The following GLE1 variants were observed in gnomAD, a reference collection of about 807,000 sequenced individuals.
GLE1 encodes GLE1 RNA export mediator, also known as mRNA export factor GLE1.
GLE1 carries 78 observed loss-of-function variants against 97.3 expected under a neutral mutation model. That is an observed-to-expected ratio of 0.80 (90% CI 0.67 to 0.97). The LOEUF is 0.97. Among genes scored for constraint, GLE1 ranks in the 50% least tolerant of loss-of-function variants. The probability of loss-of-function intolerance (pLI) is 0.00; values close to 1 mark genes in which losing one functional copy is unlikely to be tolerated. For missense variants in GLE1, 753 were observed against 857.5 expected (o/e 0.88, Z 1.52); for synonymous variants, 302 against 313.4 (o/e 0.96, Z 0.39).
chr9:128,515,160 A>G (rs1846944855), intron 2 of GLE1, among the ~76,000 whole-genome samples: 1 of 152,166 alleles, frequency 6.6e-6, no homozygotes, highest in Non-Finnish European at 1.5e-5. Context: ...TCCTGAAGCC[A>G]GGAGGATGGA....
chr9:128,505,631 T>A (rs1846619205), intron 1 of GLE1, among the ~76,000 whole-genome samples: 1 of 152,192 alleles, frequency 6.6e-6, no homozygotes, highest in African/African-American at 2.4e-5. Flanking sequence ...ACCACAGAAA[T>A]GATGCCATGG....
chr9:128,505,002 A>T (rs1430436436), intron 1 of GLE1, 98 bp downstream of exon 1: 23 of 782,984 alleles, frequency 2.9e-5, no homozygotes, highest in Non-Finnish European at 4.5e-6. Context: ...GAACCCGTGC[A>T]GTCTAACAAC....
intron 9 of GLE1, among the ~76,000 whole-genome samples, chr9:128,531,457 C>T (rs1847504052): frequency 6.7e-6 from 1 of 149,312 alleles, no homozygotes; most frequent in Non-Finnish European, 1.5e-5. Context: ...AACCCAGGAG[C>T]GGAGGTTGCA....
At chr9:128,526,113 C>T (rs892411607) in intron 7 of GLE1, among the ~76,000 whole-genome samples, 8 of 151,206 alleles carry the variant, frequency 5.3e-5, no homozygotes, top group Admixed American at 1.3e-4. Context: ...CCTCTGCCTC[C>T]CGGGTTCAAA....
At chr9:128,513,002 C>T in intron 2 of GLE1, among the ~76,000 whole-genome samples, 1 of 152,078 alleles carries the variant, frequency 6.6e-6, no homozygotes, top group East Asian at 1.9e-4. Flanking sequence ...CTGCGCCTGG[C>T]CTAATAAATT....
intron 5 of GLE1, 110 bp from the exon 6 acceptor site, chr9:128,523,482 C>T: frequency 6.9e-7 from 1 of 1,457,990 alleles, no homozygotes; most frequent in South Asian, 1.1e-5. Flanking sequence ...TGTCCTCTTC[C>T]TGCTCTGAGC....
rs751885936 is a variant in GLE1 at position 128,536,381 on chromosome 9, C to A, written c.1673C>A (p.Ser558Tyr). The A allele has an allele frequency of 3.1e-6, 5 of 1,613,776 alleles. No individual in the cohort carries two copies. The highest frequency in any genetic ancestry group is 3.4e-6 in the Non-Finnish European group (4 of 1,179,822). ...QRMLGYQVKDSKVEQQDNFLK... is the reference protein window; with the variant it reads ...QRMLGYQVKDYKVEQQDNFLK... ...ATGCTTGGTTACCAAGTAAAGGATTCCAAAGTGGAGCAGCAAGACAACTTT... is the reference window on the plus strand; with the variant it reads ...ATGCTTGGTTACCAAGTAAAGGATTACAAAGTGGAGCAGCAAGACAACTTT... The change falls in exon 12 of 16, where the codon TCC (serine) becomes TAC (tyrosine). Residue 558 changes from serine to tyrosine, a missense_variant. Transcript: ENST00000309971.
At position 128,522,783 on chromosome 9, in the gene GLE1, A is replaced by C. The variant is rs1445934944; in HGVS notation, c.548A>C (p.Glu183Ala). 6.2e-7 allele frequency: 1 copy of C among 1,614,082 alleles called. No homozygotes were observed. Among genetic ancestry groups the C allele is most frequent in the Non-Finnish European group, 8.5e-7 (1 of 1,179,984 alleles). ...TGGAAGGAACTGAAGCAGCATAAAG[A>C]ATTCCAGGACTTGCGGGAAGTAATG... ...DEWKELKQHK[E>A]FQDLREVMEK... Residue 183 changes from glutamate to alanine, a missense_variant, in exon 4 of 16, where the codon GAA becomes GCA. Physicochemically the swap from Glu to Ala is moderately radical, Grantham distance 107. Coordinates refer to ENST00000309971, the MANE Select transcript of GLE1 (RefSeq NM_001003722.2).
chr9:128,520,316 A>T (rs1414642826), intron 3 of GLE1, among the ~76,000 whole-genome samples: 1 of 148,952 alleles, frequency 6.7e-6, no homozygotes, highest in Non-Finnish European at 1.5e-5. Context: ...ATATGTGTAT[A>T]TATGTATATG....
In GLE1 at chr9:128,525,410, G is replaced by T. The variant is rs761691309; in HGVS notation, c.1116G>T (p.Gly372=). Residue 372 remains glycine, a synonymous_variant, in exon 7 of 16, where the codon GGG becomes GGT. Coordinates refer to ENST00000309971, the MANE Select transcript of GLE1 (RefSeq NM_001003722.2). ...CAGCTCCCAGCCAGGGCCCAGGAGG[G>T]AAACAGAATGAAGGTGGGTTTCAGT... is the stretch of plus-strand genomic sequence containing the variant. ...EPPAPSQGPG[G]KQNEDLQVKV... 1.3e-6 allele frequency: 2 copies of T among 1,596,480 alleles called. No individual in the cohort carries two copies. Among genetic ancestry groups the T allele is most frequent in the Non-Finnish European group, 1.7e-6 (2 of 1,169,544 alleles).
chr9:128,504,876 A>T lies in GLE1; in HGVS notation c.71A>T (p.Tyr24Phe). Residue 24 changes from tyrosine to phenylalanine, a missense_variant, in exon 1 of 16, where the codon TAC (tyrosine) becomes TTC (phenylalanine). Tyr to Phe is a conservative substitution (Grantham distance 22, BLOSUM62 3). Coordinates refer to ENST00000309971, the MANE Select transcript of GLE1 (RefSeq NM_001003722.2). ...AGTTCCGACAAAGGTCGCCTTTGCT[A>T]CTACCGCGACTGGCTGCTGCGGCGC... Reference protein sequence around the residue: ...LRSSDKGRLCYYRDWLLRRED... With the variant: ...LRSSDKGRLCFYRDWLLRRED... The T allele has an allele frequency of 6.2e-7, 1 of 1,611,048 alleles. No individual in the cohort carries two copies. The highest frequency in any genetic ancestry group is 2.2e-5 in the East Asian group (1 of 44,872).
In GLE1 at chr9:128,539,616, G is replaced by A. The variant is rs1847828383; in HGVS notation, c.1882G>A (p.Val628Met). Residue 628 changes from valine to methionine, a missense_variant and splice_region_variant, in exon 14 of 16, where the codon GTG becomes ATG. Transcript: ENST00000309971. ...TATLLFDFLE[V>M]CGNALMKQYQ... ...TGACAGTGCCTGTCTTTCCCTCTAG[G>A]TGTGTGGGAATGCCCTCATGAAGCA... 6.2e-7 allele frequency: 1 copy of A among 1,610,660 alleles called. No individual in the cohort carries two copies. Among genetic ancestry groups the A allele is most frequent in the Admixed American group, 1.7e-5 (1 of 59,992 alleles).
Position 128,541,553 on chromosome 9 carries a change from C to G in GLE1, c.*383C>G. On this transcript the variant is annotated 3_prime_UTR_variant, in exon 16 of 16. Coordinates refer to ENST00000309971, the MANE Select transcript of GLE1 (RefSeq NM_001003722.2). ...CACCATTTGCACCCACCTACCCACCCTCACCCCTGTTCAGATGAATTTCCA... is the reference window on the plus strand; with the variant it reads ...CACCATTTGCACCCACCTACCCACCGTCACCCCTGTTCAGATGAATTTCCA... The G allele has an allele frequency of 7.5e-6, 2 of 267,194 alleles. No homozygotes were observed. The highest frequency in any genetic ancestry group is 1.5e-5 in the Non-Finnish European group (2 of 137,426). The allele number at this position is 267,194 out of a possible 1,614,324, so 16.6% of individuals were successfully genotyped here.
intron 9 of GLE1, among the ~76,000 whole-genome samples, chr9:128,528,003 CTT>C (rs754132202): frequency 1.8e-5 from 2 of 111,410 alleles, no homozygotes; most frequent in Non-Finnish European, 3.5e-5. Context: ...TTCTTTTTTT[CTT>C]TTTTTTTTTT....
At position 128,517,229 on chromosome 9, in the gene GLE1, G is replaced by A. The variant is rs148944699; in HGVS notation, c.432+1590G>A. On this transcript the variant is annotated intron_variant, in intron 3 of 15. Coordinates refer to ENST00000309971, the MANE Select transcript of GLE1 (RefSeq NM_001003722.2). ...CACTTGAACCCGGGAGGCAGAGGTG[G>A]CAGTGAGCCAAGATTGTGCCACTGC... Among the ~76,000 whole-genome samples the A allele has an allele frequency of 3.1e-3, 464 of 152,062 alleles. 20 individuals carry two copies. The East Asian group carries it at 0.071, about 23-fold the overall frequency.
rs1400263926 is a variant in GLE1 at position 128,522,700 on chromosome 9, G to A, written c.465G>A (p.Glu155=). Residue 155 remains glutamate, a synonymous_variant, in exon 4 of 16, where the codon GAG becomes GAA. Transcript: ENST00000309971. ...TGAGGCTATGGCAGGAGGAGCAGGA[G>A]AGGAAGGTGCAAGCCCTCTCGGAGA... ...EGLRLWQEEQ[E]RKVQALSEMA... The A allele has an allele frequency of 6.2e-7, 1 of 1,612,314 alleles. No homozygotes were observed. Among genetic ancestry groups the A allele is most frequent in the Non-Finnish European group, 8.5e-7 (1 of 1,179,684 alleles).
intron 3 of GLE1, among the ~76,000 whole-genome samples, chr9:128,518,283 G>A (rs527277918): frequency 1.3e-4 from 20 of 152,174 alleles, no homozygotes; most frequent in African/African-American, 3.6e-4. Context: ...GCACAGGGCC[G>A]GGCCTGTTGG....
intron 12 of GLE1, 43 bp from the exon 13 acceptor site, chr9:128,537,942 TA>T: frequency 8.6e-7 from 1 of 1,156,262 alleles, no homozygotes; most frequent in Non-Finnish European, 1.3e-6. Flanking sequence ...TTTAGATTTC[TA>T]AACAAAATGA....
chr9:128,504,918 C>G lies in GLE1; in HGVS notation c.99+14C>G, dbSNP rs920579323. On this transcript the variant is annotated intron_variant, in intron 1 of 15. Transcript: ENST00000309971. ...CTGCGGCGCGAGGTGAGCGGTGGCC[C>G]CGGAGGACGTAGGCCTTTCCGGCCC... The G allele has an allele frequency of 1.9e-6, 3 of 1,568,946 alleles. No homozygotes were observed. The African/African-American group carries it at 4.1e-5, about 21-fold the overall frequency.
Sources: gnomAD v4.1 joint callset for allele counts (sites outside exome capture counted in the v4.1 genomes callset) on GRCh38, gnomAD v4.1.1 for gene constraint, MANE v1.5 for transcripts, NCBI Gene and HGNC (gene_info 2026-07-23, HGNC 2026-07-21) for gene names.